DOCK4: variants seen among roughly 807,000 people sequenced by gnomAD.
DOCK4 encodes dedicator of cytokinesis protein 4.
In DOCK4, 97 loss-of-function variants were observed where a neutral mutation model predicts 268.1. The observed-to-expected ratio is 0.36, with a 90% confidence interval of 0.31 to 0.43. DOCK4 has a LOEUF of 0.43. DOCK4 is among the 20% of genes least tolerant of loss of function. The pLI is 1.00. For missense variants in DOCK4, 2,145 were observed against 2,455.7 expected, an observed-to-expected ratio of 0.87 and a Z score of 2.67; for synonymous variants, 954 against 887.2, an observed-to-expected ratio of 1.08 and a Z score of -1.34.
rs537795103 is a variant in DOCK4 at position 112,144,506 on chromosome 7, T to C, written c.37+61596A>G. ...AAAAATTGCCAGCCCACTTGGCATTTCCTACATTTGCCCAGGCAGATGGCA... is the reference window on the plus strand; with the variant it reads ...AAAAATTGCCAGCCCACTTGGCATTCCCTACATTTGCCCAGGCAGATGGCA... On this transcript the variant is annotated intron_variant, in intron 1 of 52. Coordinates refer to ENST00000428084, the MANE Select transcript of DOCK4 (RefSeq NM_001363540.2). Among the ~76,000 whole-genome samples the C allele has an allele frequency of 9.2e-5, 14 of 152,318 alleles. No individual in the cohort carries two copies. In the South Asian group the frequency reaches 2.9e-3, roughly 32 times the overall value.
At chr7:112,138,414 T>C (rs1160639225) in intron 1 of DOCK4, among the ~76,000 whole-genome samples, 1 of 152,228 alleles carries the variant, frequency 6.6e-6, no homozygotes. Flanking sequence ...TGATAGGCTT[T>C]CTCTACTTAT....
In DOCK4 at chr7:112,085,466, A is replaced by C. The variant is rs902285216; in HGVS notation, c.38-81335T>G. Reference sequence around the variant, plus strand: ...AATGAGAAAATTTCAATGATTCATTACTGCCGGTTGCCAGGGTACAAATTT... The same window carrying C: ...AATGAGAAAATTTCAATGATTCATTCCTGCCGGTTGCCAGGGTACAAATTT... On this transcript the variant is annotated intron_variant, in intron 1 of 52. Transcript: ENST00000428084. Among the ~76,000 whole-genome samples the C allele has an allele frequency of 7.2e-5, 11 of 152,232 alleles. No homozygotes were observed. The South Asian group carries it at 1.0e-3, about 14-fold the overall frequency.
At chr7:112,091,744 G>A (rs1809650877) in intron 1 of DOCK4, among the ~76,000 whole-genome samples, 2 of 152,108 alleles carry the variant, frequency 1.3e-5, no homozygotes, top group Admixed American at 6.6e-5. Flanking sequence ...ACCCACTGAT[G>A]CCCCTAGTTA....
At chr7:111,964,156 C>T (rs1213612570) in intron 8 of DOCK4, among the ~76,000 whole-genome samples, 7 of 146,382 alleles carry the variant, frequency 4.8e-5, no homozygotes, top group African/African-American at 1.3e-4. Context: ...AGCGCCTCTC[C>T]TCCTCCAAAG....
rs572805599 is a variant in DOCK4, at chr7:112,023,844, T to C, written c.38-19713A>G. 2.0e-5 allele frequency among the ~76,000 whole-genome samples: 3 copies of C among 152,166 alleles called. No homozygotes were observed. In the South Asian group the frequency reaches 6.2e-4, roughly 32 times the overall value. On this transcript the variant is annotated intron_variant, in intron 1 of 52. Coordinates refer to ENST00000428084, the MANE Select transcript of DOCK4 (RefSeq NM_001363540.2). ...AAATTACTCTCAAAAACAGACTTAC[T>C]CTTTAATCTATATTCTAGCTCTTTT...
At chr7:111,761,324 T>A (rs1797393542) in intron 39 of DOCK4, among the ~76,000 whole-genome samples, 1 of 152,192 alleles carries the variant, frequency 6.6e-6, no homozygotes, top group African/African-American at 2.4e-5. Context: ...CCTCCCATAG[T>A]GCTGGGATTA....
chr7:112,159,842 A>T (rs958746735), intron 1 of DOCK4, among the ~76,000 whole-genome samples: 1 of 148,406 alleles, frequency 6.7e-6, no homozygotes, highest in East Asian at 1.9e-4. Flanking sequence ...ATATATATAC[A>T]TAATATATAT....
intron 20 of DOCK4, among the ~76,000 whole-genome samples, chr7:111,871,357 G>A (rs1806416003): frequency 6.6e-6 from 1 of 152,210 alleles, no homozygotes. Context: ...ACTATGTTGA[G>A]AGGAGGCAGG....
intron 1 of DOCK4, among the ~76,000 whole-genome samples, chr7:112,114,128 A>G (rs1811916488): frequency 6.6e-6 from 1 of 152,016 alleles, no homozygotes; most frequent in Non-Finnish European, 1.5e-5. Flanking sequence ...AACCTACTTC[A>G]TTGTGTTCCT....
At chr7:112,011,746 C>CA (rs1302082225) in intron 1 of DOCK4, among the ~76,000 whole-genome samples, 1,063 of 56,096 alleles carry the variant, frequency 0.019, 21 homozygotes, top group Non-Finnish European at 0.025. Flanking sequence ...AACTGAAGGT[C>CA]AAAAAAAAAA....
intron 25 of DOCK4, among the ~76,000 whole-genome samples, chr7:111,842,063 A>G (rs1459601902): frequency 1.3e-5 from 2 of 152,216 alleles, no homozygotes; most frequent in African/African-American, 4.8e-5. Flanking sequence ...CACCATCAAA[A>G]CCACAGTGAA....
intron 12 of DOCK4, among the ~76,000 whole-genome samples, chr7:111,927,617 C>A (rs1236866109): frequency 2.6e-5 from 4 of 152,182 alleles, no homozygotes; most frequent in Non-Finnish European, 5.9e-5. Flanking sequence ...ATACTGAGGA[C>A]TATGTCTAGG....
intron 1 of DOCK4, among the ~76,000 whole-genome samples, chr7:112,052,744 C>T (rs1183858971): frequency 6.6e-6 from 1 of 152,152 alleles, no homozygotes; most frequent in African/African-American, 2.4e-5. Context: ...CACTCCCTCC[C>T]ACCATCCCCC....
rs1281876819 is a variant in DOCK4 at position 111,727,932 on chromosome 7, A to G, written c.*342T>C. On this transcript the variant is annotated 3_prime_UTR_variant, in exon 53 of 53. Coordinates refer to ENST00000428084, the MANE Select transcript of DOCK4 (RefSeq NM_001363540.2). ...AAGTATTCAGTAAAAACGATACAAC[A>G]TTGTCACACATTGTATCGTTTGACA... 7 of 206,330 alleles carry G rather than the reference A, an allele frequency of 3.4e-5. No homozygotes were observed. The highest frequency in any genetic ancestry group is 1.4e-4 in the African/African-American group (6 of 43,712). 12.8% of individuals were successfully genotyped at this position (206,330 alleles called of 1,614,324 possible).
chr7:111,860,779 C>A (rs936252063), intron 23 of DOCK4, among the ~76,000 whole-genome samples: 1 of 151,724 alleles, frequency 6.6e-6, no homozygotes, highest in Non-Finnish European at 1.5e-5. Context: ...ACCCAACATT[C>A]TTTATCCCGC....
At chr7:111,737,293 T>TTTTTC (rs111241005) in intron 49 of DOCK4, among the ~76,000 whole-genome samples, 4 of 152,256 alleles carry the variant, frequency 2.6e-5, no homozygotes, top group African/African-American at 4.8e-5. Context: ...AAGTTCTTTT[T>TTTTTC]TTTTCTTTTC....
chr7:112,062,686 TTTG>T (rs1806534073), intron 1 of DOCK4, among the ~76,000 whole-genome samples: 1 of 152,174 alleles, frequency 6.6e-6, no homozygotes, highest in South Asian at 2.1e-4. Flanking sequence ...TCATTACTTT[TTTG>T]TTGTTGTTTA....
chr7:111,803,142 G>A (rs1800427256), intron 30 of DOCK4, among the ~76,000 whole-genome samples: 2 of 152,196 alleles, frequency 1.3e-5, no homozygotes, highest in Non-Finnish European at 2.9e-5. Flanking sequence ...TCTGCAGCCT[G>A]ATTTTTTCCA....
intron 1 of DOCK4, among the ~76,000 whole-genome samples, chr7:112,068,937 A>G (rs1254605218): frequency 2.6e-5 from 4 of 152,224 alleles, no homozygotes. Flanking sequence ...TTTAAAAACA[A>G]CAAAAAAGAG....
Sources: gnomAD v4.1 joint callset for allele counts (sites outside exome capture counted in the v4.1 genomes callset) on GRCh38, gnomAD v4.1.1 for gene constraint, MANE v1.5 for transcripts, NCBI Gene and HGNC (gene_info 2026-07-23, HGNC 2026-07-21) for gene names.